The following PGBD5 variants were observed in gnomAD, a reference collection of about 807,000 sequenced individuals.
PGBD5 encodes the protein piggyBac transposable element-derived protein 5.
Under a neutral mutation model 47.9 loss-of-function variants are expected in PGBD5, and 14 were observed. That is an observed-to-expected ratio of 0.29 (90% CI 0.19 to 0.46). The LOEUF (loss-of-function observed/expected upper bound fraction) is 0.46. Ranked by LOEUF, PGBD5 falls within the 20% of genes least tolerant of loss-of-function variation. PGBD5 has a pLI of 1.00. For synonymous variants in PGBD5, 316 were observed against 306.3 expected (o/e 1.03, Z -0.33); for missense variants, 635 against 716.0 (o/e 0.89, Z 1.29).
chr1:230,384,016 G>A (rs1656578875), intron 1 of PGBD5, among the ~76,000 whole-genome samples: 1 of 149,696 alleles, frequency 6.7e-6, no homozygotes. Flanking sequence ...CAGCGTGCTT[G>A]TCCCGTCCGT....
Position 230,351,084 on chromosome 1 carries a change from A to C in PGBD5, c.768T>G (p.His256Gln). 6.2e-7 allele frequency: 1 copy of C among 1,612,810 alleles called. No individual in the cohort carries two copies. The highest frequency in any genetic ancestry group is 8.5e-7 in the Non-Finnish European group (1 of 1,179,444). ...AFRPSQTQVL[H>Q]EPLIDEDPVF... ...CAGGATCCTCATCGATCAGGGGTTC[A>C]TGTAGCACCTGCCAGGAGGGAAAAA... Residue 256 changes from histidine (H) to glutamine (Q), a missense_variant, in exon 3 of 7, where the codon CAT (histidine) becomes CAG (glutamine). Physicochemically the swap from His to Gln is conservative, Grantham distance 24 (BLOSUM62 0). Transcript: ENST00000391860.
At chr1:230,424,891 C>T (rs907841144) in intron 1 of PGBD5, among the ~76,000 whole-genome samples, 1 of 152,352 alleles carries the variant, frequency 6.6e-6, no homozygotes, top group African/African-American at 2.4e-5. Context: ...AGCACCCTAG[C>T]CACCTTCTCC....
intron 1 of PGBD5, among the ~76,000 whole-genome samples, chr1:230,405,109 G>A (rs1484645196): frequency 1.3e-5 from 2 of 151,096 alleles, no homozygotes; most frequent in Admixed American, 1.3e-4. Flanking sequence ...GCGGGAGAAT[G>A]GCGTGAACCT....
chr1:230,385,359 A>T (rs969405970), intron 1 of PGBD5, among the ~76,000 whole-genome samples: 7 of 152,148 alleles, frequency 4.6e-5, no homozygotes, highest in African/African-American at 1.4e-4. Context: ...AAAGAGCCAG[A>T]CCCACAGCTT....
intron 1 of PGBD5, among the ~76,000 whole-genome samples, chr1:230,401,928 C>T (rs1286203645): frequency 2.0e-5 from 3 of 152,192 alleles, no homozygotes. Context: ...CCTTTGAGAG[C>T]TGACGGACTC....
chr1:230,347,217 C>T (rs1667486947), intron 3 of PGBD5, among the ~76,000 whole-genome samples: 1 of 152,108 alleles, frequency 6.6e-6, no homozygotes, highest in African/African-American at 2.4e-5. Flanking sequence ...CCAGGATTCT[C>T]CCGAGACACA....
intron 1 of PGBD5, among the ~76,000 whole-genome samples, chr1:230,418,095 C>G (rs567877564): frequency 1.3e-5 from 2 of 152,122 alleles, no homozygotes; most frequent in Non-Finnish European, 2.9e-5. Flanking sequence ...AGGACAGCCC[C>G]CCACCAGCAA....
At chr1:230,388,604 A>G (rs1656709396) in intron 1 of PGBD5, among the ~76,000 whole-genome samples, 1 of 151,968 alleles carries the variant, frequency 6.6e-6, no homozygotes, top group South Asian at 2.1e-4. Context: ...TTTAGTGGAG[A>G]CAGGGTTTCA....
rs981414314 is a variant in PGBD5 at position 230,315,121 on chromosome 1, C to A, written c.*8304G>T. The A allele has an allele frequency of 1.3e-5, 2 of 152,144 alleles. No homozygotes were observed. Among genetic ancestry groups the A allele is most frequent in the African/African-American group, 4.8e-5 (2 of 41,390 alleles). 9.4% of individuals were successfully genotyped at this position (152,144 alleles called of 1,614,324 possible). ...CTTAGCTTCCTGGCTATTTTCAACT[C>A]TTCTTAGTGAAGACCAGCATTGCCA... On this transcript the variant is annotated 3_prime_UTR_variant, in exon 7 of 7. Coordinates refer to ENST00000391860, the MANE Select transcript of PGBD5 (RefSeq NM_001258311.2).
At chr1:230,408,126 T>TA (rs34654411) in intron 1 of PGBD5, among the ~76,000 whole-genome samples, 5,701 of 152,258 alleles carry the variant, frequency 0.037, 139 homozygotes, top group Non-Finnish European at 0.055. Flanking sequence ...AAATGTGTGG[T>TA]AGAGTGACTA....
intron 1 of PGBD5, among the ~76,000 whole-genome samples, chr1:230,397,544 G>GA (rs1657017620): frequency 1.3e-5 from 2 of 152,178 alleles, no homozygotes; most frequent in African/African-American, 4.8e-5. Context: ...GGAGATTTAA[G>GA]AATATTTATC....
intron 5 of PGBD5, among the ~76,000 whole-genome samples, chr1:230,326,792 C>T (rs1200972540): frequency 6.6e-6 from 1 of 152,172 alleles, no homozygotes; most frequent in Non-Finnish European, 1.5e-5. Context: ...ATTAGAGGCT[C>T]AGAAGAAGGA....
chr1:230,346,896 A>G (rs973621504), intron 3 of PGBD5, among the ~76,000 whole-genome samples: 1 of 152,168 alleles, frequency 6.6e-6, no homozygotes, highest in Non-Finnish European at 1.5e-5. Flanking sequence ...TGAGGGGCCA[A>G]GCATGAAGCT....
intron 3 of PGBD5, among the ~76,000 whole-genome samples, chr1:230,345,494 A>G (rs1667462044): frequency 6.6e-6 from 1 of 152,258 alleles, no homozygotes; most frequent in East Asian, 1.9e-4. Context: ...AGCCCTCTGC[A>G]AACAGGGTAG....
intron 1 of PGBD5, among the ~76,000 whole-genome samples, chr1:230,396,197 C>G (rs1256146709): frequency 9.4e-6 from 1 of 106,038 alleles, no homozygotes; most frequent in African/African-American, 4.2e-5. Flanking sequence ...TTTACCCCCC[C>G]ACTCTTCCCT....
intron 1 of PGBD5, among the ~76,000 whole-genome samples, chr1:230,364,635 AAAAAT>A (rs1255643533): frequency 1.5e-5 from 1 of 66,668 alleles, no homozygotes; most frequent in African/African-American, 4.9e-5. Flanking sequence ...AGTTAGCAAT[AAAAAT>A]AAAATAGCTT....
At chr1:230,335,781 A>AGACG (rs1667308801) in intron 4 of PGBD5, among the ~76,000 whole-genome samples, 6 of 122,890 alleles carry the variant, frequency 4.9e-5, no homozygotes, top group African/African-American at 1.6e-4. Flanking sequence ...ACAGACACAC[A>AGACG]CACACACACA....
intron 1 of PGBD5, among the ~76,000 whole-genome samples, chr1:230,408,086 A>C (rs953665368): frequency 1.3e-5 from 2 of 152,210 alleles, no homozygotes; most frequent in African/African-American, 4.8e-5. Flanking sequence ...CCCAGTCCCC[A>C]GTCCCAACTG....
At chr1:230,374,585 C>G (rs1667982714) in intron 1 of PGBD5, among the ~76,000 whole-genome samples, 1 of 152,192 alleles carries the variant, frequency 6.6e-6, no homozygotes, top group Non-Finnish European at 1.5e-5. Flanking sequence ...TATAGGTGAT[C>G]TCCAGTTTGT....
Sources: allele counts gnomAD v4.1 joint callset (sites outside exome capture counted in the v4.1 genomes callset), GRCh38; gene constraint gnomAD v4.1.1; transcripts MANE v1.5; gene names NCBI Gene and HGNC (gene_info 2026-07-23, HGNC 2026-07-21).